The following CDH9 variants were observed in gnomAD, a reference collection of about 807,000 sequenced individuals.
The protein encoded by CDH9 is cadherin 9, also known as cadherin-9.
In CDH9, 28 loss-of-function variants were observed where a neutral mutation model predicts 70.9. The observed-to-expected ratio is 0.40, with a 90% CI of 0.29 to 0.54. CDH9 has a LOEUF of 0.54. Ranked by LOEUF, CDH9 falls within the 20% of genes least tolerant of loss-of-function variation. CDH9 has a pLI of 0.59. For synonymous variants in CDH9, 409 were observed against 343.1 expected (o/e 1.19, Z -2.12); for missense variants, 874 against 984.4 (o/e 0.89, Z 1.50).
chr5:26,995,344 T>C (rs1282887529), intron 1 of CDH9, among the ~76,000 whole-genome samples: 1 of 152,156 alleles, frequency 6.6e-6, no homozygotes, highest in Non-Finnish European at 1.5e-5. Context: ...AATAGGCCTT[T>C]TGAAAACATT....
intron 1 of CDH9, among the ~76,000 whole-genome samples, chr5:27,033,326 A>G (rs1743340164): frequency 6.6e-6 from 1 of 151,446 alleles, no homozygotes; most frequent in African/African-American, 2.4e-5. Context: ...CAATTTTTGA[A>G]TTAATTCATT....
chr5:26,962,449 G>A (rs1742053340), intron 2 of CDH9, among the ~76,000 whole-genome samples: 1 of 152,140 alleles, frequency 6.6e-6, no homozygotes, highest in South Asian at 2.1e-4. Context: ...CAGTGTAAAA[G>A]CATTCCTATT....
chr5:26,939,070 G>A (rs6885387), intron 2 of CDH9, among the ~76,000 whole-genome samples: 86,572 of 151,612 alleles, frequency 0.57, 25,094 homozygotes, highest in African/African-American at 0.6. Context: ...TGTGACATAA[G>A]TAATTTAAAT....
intron 1 of CDH9, among the ~76,000 whole-genome samples, chr5:26,989,138 A>G (rs1006268348): frequency 4.6e-5 from 7 of 152,092 alleles, no homozygotes; most frequent in African/African-American, 1.7e-4. Flanking sequence ...GCAAAATTAG[A>G]TAACACATGT....
At chr5:27,001,862 T>TCTCTCTCG (rs1351409796) in intron 1 of CDH9, among the ~76,000 whole-genome samples, 1 of 151,680 alleles carries the variant, frequency 6.6e-6, no homozygotes, top group African/African-American at 2.4e-5. Flanking sequence ...TCTCTCTCTC[T>TCTCTCTCG]CTCTCTCTCT....
At position 26,880,853 on chromosome 5, in the gene CDH9, A is replaced by G. The variant is rs1320401296; in HGVS notation, c.*283T>C. On this transcript the variant is annotated 3_prime_UTR_variant, in exon 12 of 12. Coordinates refer to ENST00000231021, the MANE Select transcript of CDH9 (RefSeq NM_016279.4). ...AATTATTATACCTAAGAAAAGGCAC[A>G]AAAAGCCTTTTACTTATTTTTATTG... 2.9e-5 allele frequency: 7 copies of G among 238,152 alleles called. No homozygotes were observed. The East Asian group carries it at 5.7e-4, about 19-fold the overall frequency. 14.8% of individuals were successfully genotyped at this position (238,152 alleles called of 1,614,324 possible). A position where few individuals can be genotyped will look rare whatever the true frequency, so the allele number is the denominator to read the frequency against.
chr5:26,901,704 T>G (rs1182645878), intron 7 of CDH9, among the ~76,000 whole-genome samples: 1 of 151,826 alleles, frequency 6.6e-6, no homozygotes, highest in Non-Finnish European at 1.5e-5. Flanking sequence ...CTATCATTAT[T>G]CATCCCATGC....
At chr5:26,894,101 A>G (rs2111977534) in intron 7 of CDH9, among the ~76,000 whole-genome samples, 1 of 152,302 alleles carries the variant, frequency 6.6e-6, no homozygotes, top group East Asian at 1.9e-4. Context: ...ACATAATTAC[A>G]TCTGTGCATT....
intron 2 of CDH9, among the ~76,000 whole-genome samples, chr5:26,972,129 G>T (rs757678312): frequency 6.6e-6 from 1 of 152,144 alleles, no homozygotes; most frequent in Non-Finnish European, 1.5e-5. Context: ...ATTGTGACAT[G>T]TAATTTAGGG....
Position 26,903,697 on chromosome 5 carries a change from T to G in CDH9, c.939A>C (p.Ala313=), listed in dbSNP as rs748011017. Residue 313 remains alanine, a synonymous_variant, in exon 6 of 12, where the codon GCA becomes GCC. Transcript: ENST00000231021. ...MEYSIAEGDG[A]DMFDVITDKD... is the part of the protein sequence containing the mutation. ...TGTCAGTGATGACATCGAACATGTC[T>G]GCACCATCTCCTTCAGCAATGCTAT... is the stretch of plus-strand genomic sequence containing the variant. The G allele has an allele frequency of 1.2e-6, 2 of 1,610,026 alleles. No homozygotes were observed. Among genetic ancestry groups the G allele is most frequent in the African/African-American group, 1.3e-5 (1 of 74,900 alleles).
chr5:26,903,521 A>G lies in CDH9; in HGVS notation c.999+116T>C, dbSNP rs894113428. ...ACAACTATTCTCATTTATCTGAAGG[A>G]TAGACAGCATGTAAAAGATGGGGGA... On this transcript the variant is annotated intron_variant, in intron 6 of 11. Transcript: ENST00000231021. The G allele has an allele frequency of 7.7e-6, 6 of 782,136 alleles. No individual in the cohort carries two copies. In the South Asian group the frequency reaches 8.1e-5, roughly 11 times the overall value. 48.4% of individuals were successfully genotyped at this position (782,136 alleles called of 1,614,324 possible).
intron 2 of CDH9, among the ~76,000 whole-genome samples, chr5:26,975,151 C>A (rs1247461888): frequency 6.6e-6 from 1 of 152,168 alleles, no homozygotes; most frequent in Non-Finnish European, 1.5e-5. Context: ...AGGAAAGCTA[C>A]TTCCTGATTT....
intron 2 of CDH9, among the ~76,000 whole-genome samples, chr5:26,925,641 T>C (rs746995791): frequency 6.6e-6 from 1 of 152,148 alleles, no homozygotes; most frequent in Non-Finnish European, 1.5e-5. Flanking sequence ...ATGTCCTAAA[T>C]GGTATTGCCT....
intron 2 of CDH9, among the ~76,000 whole-genome samples, chr5:26,933,065 C>T (rs950031257): frequency 6.9e-6 from 1 of 145,552 alleles, no homozygotes; most frequent in Non-Finnish European, 1.5e-5. Context: ...AAATATAATT[C>T]TATTTATATT....
chr5:26,943,736 C>T (rs1027319277), intron 2 of CDH9, among the ~76,000 whole-genome samples: 4 of 152,126 alleles, frequency 2.6e-5, no homozygotes, highest in African/African-American at 7.2e-5. Flanking sequence ...AGGAAGATAA[C>T]AGATGATGCA....
chr5:26,922,878 G>A (rs908068109), intron 2 of CDH9, among the ~76,000 whole-genome samples: 6 of 151,540 alleles, frequency 4.0e-5, no homozygotes, highest in Non-Finnish European at 4.4e-5. Flanking sequence ...GTTTTTATTA[G>A]TTTTCTCTTT....
chr5:26,915,579 T>G (rs755242926), intron 3 of CDH9, 51 bp downstream of exon 3: 2 of 1,048,614 alleles, frequency 1.9e-6, no homozygotes, highest in Admixed American at 3.8e-5. Context: ...AATAATTACC[T>G]GAGCAAACAA....
At position 27,020,567 on chromosome 5, in the gene CDH9, T is replaced by G. The variant is rs77531636; in HGVS notation, c.-50+17896A>C. ...GTTATTATAAGGTAAGATATATGTC[T>G]ATCTTAAGTGTTTATTTTGTGCATA... On this transcript the variant is annotated intron_variant, in intron 1 of 11. Transcript: ENST00000231021. 2.0e-3 allele frequency among the ~76,000 whole-genome samples: 302 copies of G among 151,838 alleles called. 1 individual carries two copies. The highest frequency in any genetic ancestry group is 3.6e-3 in the Non-Finnish European group (241 of 67,748).
At chr5:26,938,753 C>A (rs1037041714) in intron 2 of CDH9, among the ~76,000 whole-genome samples, 8 of 152,038 alleles carry the variant, frequency 5.3e-5, no homozygotes, top group African/African-American at 1.2e-4. Flanking sequence ...TTCATGCAAC[C>A]CAATACTGCT....
Sources: allele counts gnomAD v4.1 joint callset (sites outside exome capture counted in the v4.1 genomes callset), GRCh38; gene constraint gnomAD v4.1.1; transcripts MANE v1.5; gene names NCBI Gene and HGNC (gene_info 2026-07-23, HGNC 2026-07-21).